The following USP46 variants were observed in gnomAD, a reference collection of about 807,000 sequenced individuals.
The protein encoded by USP46 is ubiquitin specific peptidase 46.
Under a neutral mutation model 44.4 loss-of-function variants are expected in USP46, and 12 were observed. That is an observed-to-expected ratio of 0.27 (90% CI 0.17 to 0.44). USP46 has a LOEUF of 0.44. Ranked by LOEUF, USP46 falls within the 20% of genes least tolerant of loss-of-function variation. The pLI is 1.00. For missense variants in USP46, 248 were observed against 444.8 expected (o/e 0.56, Z 3.98); for synonymous variants, 155 against 161.5 (o/e 0.96, Z 0.31).
chr4:52,633,978 C>T (rs1718009595), intron 1 of USP46, among the ~76,000 whole-genome samples: 1 of 152,232 alleles, frequency 6.6e-6, no homozygotes, highest in African/African-American at 2.4e-5. Context: ...CTGAGGCCAA[C>T]ACTTCCTCAA....
intron 1 of USP46, among the ~76,000 whole-genome samples, chr4:52,632,994 G>GAAAGAAAGAAAGAAAGAAAGAAAGGA (rs1717964837): frequency 1.1e-5 from 1 of 91,324 alleles, no homozygotes; most frequent in Non-Finnish European, 2.2e-5. Flanking sequence ...GAAAAGAAAA[G>GAAAGAAAGAAAGAAAGAAAGAAAGGA]AAAGAAAGAA....
intron 1 of USP46, among the ~76,000 whole-genome samples, chr4:52,645,584 T>C (rs943808800): frequency 2.6e-5 from 4 of 152,100 alleles, no homozygotes; most frequent in African/African-American, 9.7e-5. Flanking sequence ...CATTTCCAAT[T>C]CAATCCTTCT....
chr4:52,632,990 A>AAAGAAAGAAAGGAAAAGAAAAG, intron 1 of USP46, among the ~76,000 whole-genome samples: 1 of 66,294 alleles, frequency 1.5e-5, no homozygotes. Context: ...GAAAGAAAAG[A>AAAGAAAGAAAGGAAAAGAAAAG]AAAGAAAGAA....
At chr4:52,609,395 C>CG (rs1275205740) in intron 5 of USP46, among the ~76,000 whole-genome samples, 1 of 151,506 alleles carries the variant, frequency 6.6e-6, no homozygotes, top group Non-Finnish European at 1.5e-5. Flanking sequence ...GTTTAAAAAA[C>CG]AAATCCTCAA....
At chr4:52,656,459 A>T in intron 1 of USP46, 4 of 1,200,556 alleles carry the variant, frequency 3.3e-6, no homozygotes, top group African/African-American at 1.8e-5. Flanking sequence ...TGACCTGAGC[A>T]GGGGGCGGGG....
At chr4:52,609,898 C>CTTTTTTTTGTTTTTTTTT in intron 5 of USP46, among the ~76,000 whole-genome samples, 1 of 24,574 alleles carries the variant, frequency 4.1e-5, no homozygotes, top group Non-Finnish European at 8.2e-5. Context: ...AATTCTATTT[C>CTTTTTTTTGTTTTTTTTT]TTTTTTTTTT....
intron 4 of USP46, among the ~76,000 whole-genome samples, chr4:52,620,468 C>A (rs1334135158): frequency 6.6e-6 from 1 of 152,186 alleles, no homozygotes; most frequent in Admixed American, 6.5e-5. Flanking sequence ...TCATTAAAGT[C>A]TGTCTCCATG....
intron 4 of USP46, 98 bp from the exon 5 acceptor site, chr4:52,610,715 A>ATGGTTTTT: frequency 8.8e-7 from 1 of 1,136,756 alleles, no homozygotes; most frequent in Non-Finnish European, 1.3e-6. Context: ...TAAAAACCAT[A>ATGGTTTTT]ACTGCAGTTA....
intron 4 of USP46, among the ~76,000 whole-genome samples, chr4:52,612,175 T>C (rs1394850437): frequency 2.0e-5 from 3 of 152,226 alleles, no homozygotes; most frequent in African/African-American, 7.2e-5. Flanking sequence ...AAGTTGGGAA[T>C]GGCTTTCTAC....
chr4:52,611,304 C>T (rs1211516675), intron 4 of USP46, among the ~76,000 whole-genome samples: 2 of 152,214 alleles, frequency 1.3e-5, no homozygotes, highest in African/African-American at 4.8e-5. Context: ...CCCCAGCTGT[C>T]TCTCAGCCTT....
intron 7 of USP46, among the ~76,000 whole-genome samples, chr4:52,601,091 C>T (rs554092821): frequency 5.3e-5 from 8 of 152,248 alleles, no homozygotes; most frequent in East Asian, 1.9e-4. Flanking sequence ...CACCATAATC[C>T]GACCTTAACA....
At chr4:52,653,421 C>T (rs1718839462) in intron 1 of USP46, among the ~76,000 whole-genome samples, 1 of 144,296 alleles carries the variant, frequency 6.9e-6, no homozygotes, top group Non-Finnish European at 1.5e-5. Flanking sequence ...AGGAGAATCA[C>T]TTGAATCCAG....
chr4:52,659,241 G>C lies in USP46; in HGVS notation c.-91C>G, dbSNP rs1419120395. ...TGGCGCGCTGGCGGGGAGGCCGGGC[G>C]GCAGCGCGGCGGCCTGGGGTCCGGC... is the stretch of plus-strand genomic sequence containing the variant. On this transcript the variant is annotated 5_prime_UTR_variant, in exon 1 of 9. Coordinates refer to ENST00000441222, the MANE Select transcript of USP46 (RefSeq NM_022832.4). This position sits in a 1 kb window ranked among gnomAD's most constrained non-coding sequence, Gnocchi z 4.2. The C allele has an allele frequency of 1.4e-6, 2 of 1,413,294 alleles. No homozygotes were observed. The highest frequency in any genetic ancestry group is 2.6e-5 in the Admixed American group (1 of 37,910). The allele number at this position is 1,413,294 out of a possible 1,614,324, so 87.5% of individuals were successfully genotyped here.
intron 7 of USP46, among the ~76,000 whole-genome samples, chr4:52,599,955 C>T (rs1302604589): frequency 1.3e-5 from 2 of 152,134 alleles, no homozygotes; most frequent in Non-Finnish European, 1.5e-5. Flanking sequence ...TCTATTTAGC[C>T]CTGTGCTCAA....
At chr4:52,632,990 A>AAAGAAAAGAAAAGAAAAG in intron 1 of USP46, among the ~76,000 whole-genome samples, 58 of 66,282 alleles carry the variant, frequency 8.8e-4, no homozygotes, top group South Asian at 1.8e-3. Context: ...GAAAGAAAAG[A>AAAGAAAAGAAAAGAAAAG]AAAGAAAGAA....
At chr4:52,625,825 T>C (rs1229401494) in intron 4 of USP46, among the ~76,000 whole-genome samples, 193 bp downstream of exon 4, 1 of 152,238 alleles carries the variant, frequency 6.6e-6, no homozygotes, top group Non-Finnish European at 1.5e-5. Context: ...TTATTCAGCT[T>C]TGGCCTGCTG....
intron 1 of USP46, among the ~76,000 whole-genome samples, chr4:52,638,023 G>C (rs529053916): frequency 9.2e-5 from 14 of 152,328 alleles, no homozygotes; most frequent in African/African-American, 1.4e-4. Context: ...CTGTGACAGA[G>C]AGAATACTGC....
intron 1 of USP46, among the ~76,000 whole-genome samples, chr4:52,649,406 G>C (rs1188133108): frequency 3.9e-5 from 6 of 152,174 alleles, no homozygotes; most frequent in African/African-American, 1.4e-4. Context: ...AAGATAAATA[G>C]GATCTGAGAT....
intron 1 of USP46, among the ~76,000 whole-genome samples, chr4:52,658,622 A>G (rs955766007): frequency 3.9e-5 from 6 of 152,302 alleles, no homozygotes; most frequent in African/African-American, 1.4e-4. Flanking sequence ...GCTTTATTAC[A>G]TTTCCGATTT....
Sources: gnomAD v4.1 joint callset for allele counts (sites outside exome capture counted in the v4.1 genomes callset) on GRCh38, gnomAD v4.1.1 for gene constraint, Gnocchi (gnomAD v3.1) non-coding constraint, MANE v1.5 for transcripts, NCBI Gene and HGNC (gene_info 2026-07-23, HGNC 2026-07-21) for gene names.